Variants in MEIKIN observed in about 807,000 individuals in gnomAD.
MEIKIN encodes the protein meiosis-specific kinetochore protein.
In MEIKIN at chr5:131,863,059, C is replaced by T. The variant is rs370653790; in HGVS notation, c.775-8225G>A. Among the ~76,000 whole-genome samples, 10 of 152,106 alleles carry T rather than the reference C, an allele frequency of 6.6e-5. No homozygotes were observed. In the South Asian group the frequency reaches 8.3e-4, roughly 13 times the overall value. On this transcript the variant is annotated intron_variant, in intron 9 of 12. Transcript: ENST00000442687. ...CTTCATTGATCCAATGATCATTCAG[C>T]GGCATCTTGCTAAGTTTTCAAGTAC...
chr5:131,824,882 C>T (rs1441793313), intron 11 of MEIKIN, among the ~76,000 whole-genome samples: 1 of 151,952 alleles, frequency 6.6e-6, no homozygotes, highest in African/African-American at 2.4e-5. Flanking sequence ...ATACAAAGAA[C>T]AGCAAACAAA....
intron 9 of MEIKIN, among the ~76,000 whole-genome samples, chr5:131,857,368 G>A (rs1251254033): frequency 6.6e-6 from 1 of 152,110 alleles, no homozygotes; most frequent in Non-Finnish European, 1.5e-5. Flanking sequence ...CACAGGTGGA[G>A]CAGGATGGCC....
At chr5:131,928,455 G>A (rs1242719599) in intron 5 of MEIKIN, among the ~76,000 whole-genome samples, 2 of 151,990 alleles carry the variant, frequency 1.3e-5, no homozygotes, top group Non-Finnish European at 2.9e-5. Flanking sequence ...TCGGGCTTAC[G>A]TAAAATCTTC....
intron 9 of MEIKIN, among the ~76,000 whole-genome samples, chr5:131,874,336 T>C (rs1239861516): frequency 6.6e-6 from 1 of 152,124 alleles, no homozygotes; most frequent in African/African-American, 2.4e-5. Flanking sequence ...CCCACAGAAA[T>C]ACAAACTACC....
chr5:131,943,616 G>A (rs569152310), intron 3 of MEIKIN, among the ~76,000 whole-genome samples: 148 of 151,872 alleles, frequency 9.7e-4, no homozygotes, highest in African/African-American at 3.5e-3. Flanking sequence ...TAAGACAACT[G>A]GTCATTTTTT....
intron 11 of MEIKIN, among the ~76,000 whole-genome samples, chr5:131,834,258 T>G (rs971780378): frequency 4.6e-5 from 7 of 152,216 alleles, no homozygotes; most frequent in Non-Finnish European, 1.0e-4. Flanking sequence ...TGTACGTGAT[T>G]TGATATACAC....
intron 11 of MEIKIN, among the ~76,000 whole-genome samples, chr5:131,847,290 T>C (rs951648188): frequency 6.6e-6 from 1 of 152,132 alleles, no homozygotes; most frequent in African/African-American, 2.4e-5. Flanking sequence ...ATATGCTATA[T>C]GTTGTTTATA....
intron 11 of MEIKIN, among the ~76,000 whole-genome samples, chr5:131,833,931 A>G (rs915123746): frequency 6.6e-5 from 10 of 152,236 alleles, no homozygotes; most frequent in African/African-American, 4.8e-5. Flanking sequence ...AGATATTCTC[A>G]GATAATAAAA....
At chr5:131,823,155 A>G (rs1287346271) in intron 11 of MEIKIN, among the ~76,000 whole-genome samples, 1 of 152,010 alleles carries the variant, frequency 6.6e-6, no homozygotes, top group Non-Finnish European at 1.5e-5. Context: ...TGATTATTAA[A>G]TGCCTTGAGG....
intron 11 of MEIKIN, among the ~76,000 whole-genome samples, chr5:131,835,242 G>GTGTATATATATGTATATA (rs1749786104): frequency 6.7e-6 from 1 of 150,006 alleles, no homozygotes; most frequent in African/African-American, 2.5e-5. Context: ...ATGTATATAT[G>GTGTATATATATGTATATA]TGTATATATA....
intron 9 of MEIKIN, among the ~76,000 whole-genome samples, chr5:131,861,917 T>C (rs1056293934): frequency 6.6e-6 from 1 of 152,166 alleles, no homozygotes; most frequent in Non-Finnish European, 1.5e-5. Context: ...TTTGCTGTTG[T>C]TGTTGTGTCC....
intron 8 of MEIKIN, among the ~76,000 whole-genome samples, chr5:131,894,603 G>A (rs992982163): frequency 6.6e-6 from 1 of 152,170 alleles, no homozygotes; most frequent in African/African-American, 2.4e-5. Context: ...TCTCCTTGAA[G>A]AGGTCATTTG....
At chr5:131,910,135 A>G (rs953155376) in intron 8 of MEIKIN, among the ~76,000 whole-genome samples, 2 of 152,226 alleles carry the variant, frequency 1.3e-5, no homozygotes, top group African/African-American at 2.4e-5. Flanking sequence ...TTGTTTCAGC[A>G]CTATTCACAA....
intron 9 of MEIKIN, among the ~76,000 whole-genome samples, chr5:131,864,852 T>G (rs1331271542): frequency 6.6e-6 from 1 of 152,218 alleles, no homozygotes; most frequent in Non-Finnish European, 1.5e-5. Context: ...ATATCAACAC[T>G]TTGAATATCT....
intron 8 of MEIKIN, among the ~76,000 whole-genome samples, chr5:131,895,237 C>A (rs558294834): frequency 1.3e-5 from 2 of 152,160 alleles, no homozygotes; most frequent in Non-Finnish European, 1.5e-5. Context: ...AGGGATGAAG[C>A]CCACTGGATC....
chr5:131,925,492 A>C (rs1376354798), intron 5 of MEIKIN, among the ~76,000 whole-genome samples: 1 of 152,076 alleles, frequency 6.6e-6, no homozygotes, highest in Non-Finnish European at 1.5e-5. Context: ...CTACTTCTTA[A>C]GTTTATTCCT....
intron 8 of MEIKIN, among the ~76,000 whole-genome samples, chr5:131,879,795 CTCT>C (rs1399356777): frequency 1.3e-5 from 2 of 152,226 alleles, no homozygotes; most frequent in Non-Finnish European, 2.9e-5. Context: ...CTTTTTATGT[CTCT>C]TCTTCAGTCT....
intron 4 of MEIKIN, among the ~76,000 whole-genome samples, chr5:131,938,305 T>A (rs775774111): frequency 6.6e-6 from 1 of 151,716 alleles, no homozygotes; most frequent in African/African-American, 2.4e-5. Flanking sequence ...GTAGCTGAGA[T>A]TAGAGGTGCA....
chr5:131,909,273 A>C (rs568709379), intron 8 of MEIKIN, among the ~76,000 whole-genome samples: 1 of 152,236 alleles, frequency 6.6e-6, no homozygotes, highest in East Asian at 1.9e-4. Flanking sequence ...ATACATCTAC[A>C]CCGAACTCAT....
Sources: gnomAD v4.1 joint callset for allele counts (sites outside exome capture counted in the v4.1 genomes callset) on GRCh38, gnomAD v4.1.1 for gene constraint, MANE v1.5 for transcripts, NCBI Gene and HGNC (gene_info 2026-07-23, HGNC 2026-07-21) for gene names.